The following TMEM117 variants were observed in gnomAD, a reference collection of about 807,000 sequenced individuals.
TMEM117 encodes transmembrane protein 117.
TMEM117 carries 27 observed loss-of-function variants against 52.4 expected under a neutral mutation model. The ratio of observed to expected loss-of-function variants is 0.51; its 90% confidence interval spans 0.38 to 0.71. The LOEUF (loss-of-function observed/expected upper bound fraction) is 0.71. Among genes scored for constraint, TMEM117 ranks in the 30% least tolerant of loss-of-function variants. The pLI, the probability that TMEM117 is intolerant of heterozygous loss-of-function variation, is 0.00. For synonymous variants in TMEM117, 215 were observed against 206.3 expected (o/e 1.04, Z -0.36); for missense variants, 556 against 630.5 (o/e 0.88, Z 1.26).
chr12:44,022,258 A>G (rs887623351), intron 3 of TMEM117, among the ~76,000 whole-genome samples: 2 of 152,192 alleles, frequency 1.3e-5, no homozygotes, highest in Non-Finnish European at 2.9e-5. Context: ...TAAAATAATG[A>G]TGATACTACC....
intron 3 of TMEM117, among the ~76,000 whole-genome samples, chr12:43,984,846 C>A (rs1393942125): frequency 1.3e-5 from 2 of 151,992 alleles, no homozygotes; most frequent in Non-Finnish European, 2.9e-5. Flanking sequence ...AGCCCACATA[C>A]CGAAATGTCT....
chr12:43,808,912 G>A, the TMEM117 span, among the ~76,000 whole-genome samples: 4 of 149,854 alleles, frequency 2.7e-5, no homozygotes, highest in East Asian at 4.0e-4. Flanking sequence ...CCAATCTTAT[G>A]TTTTGCAAGT....
intron 4 of TMEM117, among the ~76,000 whole-genome samples, chr12:44,197,354 C>G (rs1468490232): frequency 6.6e-6 from 1 of 151,984 alleles, no homozygotes; most frequent in Non-Finnish European, 1.5e-5. Context: ...TAATTACTTT[C>G]TCTAGTAATG....
chr12:44,342,659 A>G (rs1951433096), intron 6 of TMEM117, among the ~76,000 whole-genome samples: 2 of 149,422 alleles, frequency 1.3e-5, no homozygotes, highest in South Asian at 4.2e-4. Context: ...AAAAAAAAAG[A>G]CTCATTAAAT....
At chr12:44,061,867 G>A (rs1015838178) in intron 3 of TMEM117, among the ~76,000 whole-genome samples, 3 of 151,972 alleles carry the variant, frequency 2.0e-5, no homozygotes, top group Non-Finnish European at 4.4e-5. Context: ...GAGATTAGAT[G>A]GACTCAAAAA....
the TMEM117 span, among the ~76,000 whole-genome samples, chr12:43,807,968 A>C: frequency 6.6e-6 from 1 of 152,196 alleles, no homozygotes; most frequent in Non-Finnish European, 1.5e-5. Context: ...TAATAGACTT[A>C]TTTTGAGTAC....
At chr12:44,245,192 A>G (rs1303039846) in intron 5 of TMEM117, among the ~76,000 whole-genome samples, 1 of 151,804 alleles carries the variant, frequency 6.6e-6, no homozygotes, top group Non-Finnish European at 1.5e-5. Flanking sequence ...GATTCCATAC[A>G]CATTTTAGAG....
At chr12:44,216,169 G>A (rs1443407560) in intron 5 of TMEM117, among the ~76,000 whole-genome samples, 12 of 151,484 alleles carry the variant, frequency 7.9e-5, no homozygotes, top group African/African-American at 2.2e-4. Context: ...CACCACACCC[G>A]GCTAATTTTT....
At position 44,207,893 on chromosome 12, in the gene TMEM117, T is replaced by C. The variant is rs139006784; in HGVS notation, c.511-3397T>C. Among the ~76,000 whole-genome samples, 230 of 152,252 alleles carry C rather than the reference T, an allele frequency of 1.5e-3. 5 individuals are homozygous for C. The South Asian group carries it at 0.03, about 20-fold the overall frequency. ...TAGTGCACATAATGGTATAGATGTG[T>C]GACCTTGCTCTGTTATTTAACTTCA... On this transcript the variant is annotated intron_variant, in intron 4 of 7. Coordinates refer to ENST00000266534, the MANE Select transcript of TMEM117 (RefSeq NM_032256.3).
Position 43,967,044 on chromosome 12 carries a change from C to A in TMEM117, c.410+22702C>A, listed in dbSNP as rs533888887. ...CTGGTATTAAGCCCAATCCTTTATT[C>A]TTTTCCCCTTAAGTATAGGTCGAAC... On this transcript the variant is annotated intron_variant, in intron 3 of 7. Transcript: ENST00000266534. Among the ~76,000 whole-genome samples the A allele has an allele frequency of 1.9e-3, 282 of 152,132 alleles. 2 individuals carry two copies. Among genetic ancestry groups the A allele is most frequent in the African/African-American group, 6.4e-3 (266 of 41,518 alleles).
intron 2 of TMEM117, among the ~76,000 whole-genome samples, chr12:43,847,968 C>T (rs781512350): frequency 4.6e-5 from 7 of 152,086 alleles, no homozygotes; most frequent in Non-Finnish European, 7.4e-5. Flanking sequence ...ACTGTGATGC[C>T]CGCCTGAGTC....
intron 3 of TMEM117, among the ~76,000 whole-genome samples, chr12:43,996,529 G>T (rs1201858591): frequency 6.6e-6 from 1 of 152,024 alleles, no homozygotes; most frequent in Non-Finnish European, 1.5e-5. Context: ...TGTAGTCCCA[G>T]CTACTTGGGA....
intron 2 of TMEM117, among the ~76,000 whole-genome samples, chr12:43,923,977 G>A (rs1944737050): frequency 6.6e-6 from 1 of 152,148 alleles, no homozygotes; most frequent in Admixed American, 6.5e-5. Flanking sequence ...TGTTAGAATA[G>A]TGGCTAAGTA....
At chr12:44,099,118 T>A (rs550336756) in intron 3 of TMEM117, among the ~76,000 whole-genome samples, 8 of 152,084 alleles carry the variant, frequency 5.3e-5, no homozygotes, top group Non-Finnish European at 7.4e-5. Flanking sequence ...TATCTTTATT[T>A]TTTTTTTAAA....
At chr12:43,976,222 G>C (rs997062916) in intron 3 of TMEM117, among the ~76,000 whole-genome samples, 5 of 152,158 alleles carry the variant, frequency 3.3e-5, no homozygotes, top group African/African-American at 1.2e-4. Flanking sequence ...ATGAGTCATA[G>C]GTAGCATTGT....
intron 2 of TMEM117, among the ~76,000 whole-genome samples, chr12:43,914,894 A>G (rs1944574235): frequency 6.6e-6 from 1 of 151,908 alleles, no homozygotes; most frequent in African/African-American, 2.4e-5. Flanking sequence ...AAGTTCTGGT[A>G]CCCCCTCCTT....
chr12:43,888,434 T>A lies in TMEM117; in HGVS notation c.277+43506T>A, dbSNP rs28521416. On this transcript the variant is annotated intron_variant, in intron 2 of 7. Coordinates refer to ENST00000266534, the MANE Select transcript of TMEM117 (RefSeq NM_032256.3). ...GGTTTGCATCATCAGTGCGAATGAATTGCTTATGGAAAAGCAATTGTGAAC... is the reference window on the plus strand; with the variant it reads ...GGTTTGCATCATCAGTGCGAATGAAATGCTTATGGAAAAGCAATTGTGAAC... Among the ~76,000 whole-genome samples, 1,222 of 152,280 alleles carry A rather than the reference T, an allele frequency of 8.0e-3. 23 individuals are homozygous for A. The highest frequency in any genetic ancestry group is 0.027 in the African/African-American group (1,141 of 41,542).
At chr12:44,127,075 A>G (rs1948337745) in intron 3 of TMEM117, among the ~76,000 whole-genome samples, 1 of 152,236 alleles carries the variant, frequency 6.6e-6, no homozygotes, top group Non-Finnish European at 1.5e-5. Flanking sequence ...CAATGATAAT[A>G]TTGATGAGAA....
intron 3 of TMEM117, among the ~76,000 whole-genome samples, chr12:44,020,961 T>C (rs1226098713): frequency 6.6e-6 from 1 of 152,186 alleles, no homozygotes; most frequent in Non-Finnish European, 1.5e-5. Flanking sequence ...TTTATTTCTT[T>C]CTGCTTGTAG....
Sources: gnomAD v4.1 joint callset for allele counts (sites outside exome capture counted in the v4.1 genomes callset) on GRCh38, gnomAD v4.1.1 for gene constraint, MANE v1.5 for transcripts, NCBI Gene and HGNC (gene_info 2026-07-23, HGNC 2026-07-21) for gene names.